Variants in ATP2B2 observed in about 807,000 individuals in gnomAD.
ATP2B2 encodes the protein ATPase plasma membrane Ca2+ transporting 2.
A neutral mutation model predicts 120.0 loss-of-function variants in ATP2B2; 15 were observed. The ratio of observed to expected loss-of-function variants is 0.12; its 90% CI spans 0.08 to 0.19. ATP2B2 has a LOEUF of 0.19. ATP2B2 is among the 10% of genes least tolerant of loss of function. The probability of loss-of-function intolerance (pLI) is 1.00; values close to 1 mark genes in which losing one functional copy is unlikely to be tolerated. For synonymous variants in ATP2B2, 694 were observed against 700.3 expected (o/e 0.99, Z 0.14); for missense variants, 1,045 against 1,719.8 (o/e 0.61, Z 6.94).
At chr3:10,471,454 T>C (rs924759548) in intron 1 of ATP2B2, among the ~76,000 whole-genome samples, 1 of 151,486 alleles carries the variant, frequency 6.6e-6, no homozygotes, top group Non-Finnish European at 1.5e-5. Flanking sequence ...GTGTGTGTGT[T>C]CTAGGAAGCC....
At chr3:10,497,179 G>T (rs1479530945) in intron 1 of ATP2B2, among the ~76,000 whole-genome samples, 1 of 152,212 alleles carries the variant, frequency 6.6e-6, no homozygotes, top group Non-Finnish European at 1.5e-5. Context: ...TTACCCTGTG[G>T]ATCCCTGAAG....
At chr3:10,481,838 G>GCCA (rs2065426621) in intron 1 of ATP2B2, among the ~76,000 whole-genome samples, 1 of 152,188 alleles carries the variant, frequency 6.6e-6, no homozygotes, top group South Asian at 2.1e-4. Flanking sequence ...ACAGGTGTGA[G>GCCA]CCACCATGTC....
intron 1 of ATP2B2, among the ~76,000 whole-genome samples, chr3:10,696,946 A>G (rs866913411): frequency 6.6e-6 from 1 of 152,238 alleles, no homozygotes; most frequent in African/African-American, 2.4e-5. Context: ...TAGCTCCATT[A>G]TTAAATTTTT....
chr3:10,650,960 C>A (rs772588498), intron 1 of ATP2B2, among the ~76,000 whole-genome samples: 1 of 152,236 alleles, frequency 6.6e-6, no homozygotes, highest in South Asian at 2.1e-4. Context: ...CTTGACTGCC[C>A]TGCTGGATTT....
intron 2 of ATP2B2, among the ~76,000 whole-genome samples, chr3:10,446,128 G>T (rs968553247): frequency 6.6e-6 from 1 of 152,082 alleles, no homozygotes; most frequent in African/African-American, 2.4e-5. Flanking sequence ...CATAAAATGG[G>T]GTAACAGCAC....
intron 3 of ATP2B2, among the ~76,000 whole-genome samples, chr3:10,512,462 GCGCACACACACACA>G (rs1458762475): frequency 1.8e-5 from 1 of 55,834 alleles, no homozygotes; most frequent in African/African-American, 2.1e-4. Context: ...TAAAGTGTGT[GCGCACACACACACA>G]CACACACACA....
chr3:10,434,318 C>T (rs1375991290), intron 2 of ATP2B2, among the ~76,000 whole-genome samples: 1 of 152,182 alleles, frequency 6.6e-6, no homozygotes, highest in African/African-American at 2.4e-5. Flanking sequence ...TCTCCTGTGG[C>T]CCTGGCAGCC....
intron 2 of ATP2B2, among the ~76,000 whole-genome samples, chr3:10,547,542 G>A (rs1376273405): frequency 1.3e-5 from 2 of 152,130 alleles, no homozygotes; most frequent in African/African-American, 2.4e-5. Flanking sequence ...GACACAGTTG[G>A]CTTACATTTC....
intron 4 of ATP2B2, among the ~76,000 whole-genome samples, chr3:10,401,763 T>C (rs1490878388): frequency 6.6e-6 from 1 of 152,198 alleles, no homozygotes; most frequent in Non-Finnish European, 1.5e-5. Context: ...TTAGTGATTG[T>C]TGGAGTGCTG....
At chr3:10,563,769 C>T (rs1224713669) in intron 2 of ATP2B2, among the ~76,000 whole-genome samples, 1 of 152,164 alleles carries the variant, frequency 6.6e-6, no homozygotes, top group East Asian at 1.9e-4. Context: ...CATTTACTCT[C>T]TGAAAACAAC....
At chr3:10,623,419 A>G (rs970213106) in intron 1 of ATP2B2, among the ~76,000 whole-genome samples, 1 of 152,154 alleles carries the variant, frequency 6.6e-6, no homozygotes, top group African/African-American at 2.4e-5. Flanking sequence ...TCTACTTTCA[A>G]ATGGTTTATA....
At chr3:10,636,148 C>T (rs2070015589) in intron 1 of ATP2B2, among the ~76,000 whole-genome samples, 1 of 152,244 alleles carries the variant, frequency 6.6e-6, no homozygotes, top group South Asian at 2.1e-4. Context: ...AGGCCAGTCT[C>T]TTCCTGCAGC....
intron 3 of ATP2B2, among the ~76,000 whole-genome samples, chr3:10,522,257 G>A (rs868315536): frequency 2.0e-5 from 3 of 152,130 alleles, no homozygotes; most frequent in South Asian, 4.1e-4. Flanking sequence ...CAGTACGTGT[G>A]TATTGCCTTT....
At chr3:10,524,961 T>C (rs1411033387) in intron 3 of ATP2B2, among the ~76,000 whole-genome samples, 4 of 152,296 alleles carry the variant, frequency 2.6e-5, no homozygotes, top group African/African-American at 4.8e-5. Context: ...GCCACCCCTG[T>C]GCTGGGCATG....
chr3:10,404,775 A>G (rs1359268236), intron 3 of ATP2B2, among the ~76,000 whole-genome samples: 3 of 152,346 alleles, frequency 2.0e-5, no homozygotes, highest in South Asian at 4.1e-4. Context: ...TGGGAGACAC[A>G]GGTGAACCTT....
chr3:10,378,918 G>A (rs1290498247), intron 9 of ATP2B2, among the ~76,000 whole-genome samples: 1 of 152,174 alleles, frequency 6.6e-6, no homozygotes, highest in Middle Eastern at 3.2e-3. Flanking sequence ...GGACTGGAGG[G>A]CCCGTGACCC....
intron 1 of ATP2B2, among the ~76,000 whole-genome samples, chr3:10,661,736 T>C (rs888616644): frequency 5.3e-5 from 8 of 152,180 alleles, no homozygotes; most frequent in Admixed American, 2.0e-4. Context: ...CTTCACAGAA[T>C]TGGAAAAAAC....
At chr3:10,487,918 CCTCA>C in intron 1 of ATP2B2, among the ~76,000 whole-genome samples, 1 of 152,276 alleles carries the variant, frequency 6.6e-6, no homozygotes, top group South Asian at 2.1e-4. Flanking sequence ...TCTCTCTCTG[CCTCA>C]CTATCTTTTT....
At chr3:10,451,555 G>A (rs1395585222) in intron 1 of ATP2B2, among the ~76,000 whole-genome samples, 1 of 152,196 alleles carries the variant, frequency 6.6e-6, no homozygotes, top group East Asian at 1.9e-4. Flanking sequence ...GGAGCCACAG[G>A]AGAAACCTTA....
Sources: allele counts gnomAD v4.1 joint callset (sites outside exome capture counted in the v4.1 genomes callset), GRCh38; gene constraint gnomAD v4.1.1; transcripts MANE v1.5; gene names NCBI Gene and HGNC (gene_info 2026-07-23, HGNC 2026-07-21).